The following SLC23A2 variants were observed in gnomAD, a reference collection of about 807,000 sequenced individuals.
The protein encoded by SLC23A2 is solute carrier family 23 member 2, also known as Na(+)/L-ascorbic acid transporter 2.
In SLC23A2, 36 loss-of-function variants were observed where a neutral mutation model predicts 73.3. The observed-to-expected ratio is 0.49, with a 90% CI of 0.38 to 0.65. The LOEUF (loss-of-function observed/expected upper bound fraction) is 0.65, where lower values mean the gene tolerates loss of function less well. SLC23A2 is among the 30% of genes least tolerant of loss of function. The pLI is 0.00. For missense variants in SLC23A2, 507 were observed against 841.6 expected, an observed-to-expected ratio of 0.60 and a Z score of 4.92; for synonymous variants, 343 against 327.3, an observed-to-expected ratio of 1.05 and a Z score of -0.52.
chr20:4,991,744 ACACAC>A (rs2087927992), intron 1 of SLC23A2, among the ~76,000 whole-genome samples: 1 of 151,512 alleles, frequency 6.6e-6, no homozygotes, highest in Non-Finnish European at 1.5e-5. Flanking sequence ...ACACACACAC[ACACAC>A]ACACACACAC....
chr20:4,892,032 G>A (rs961415677), intron 6 of SLC23A2, among the ~76,000 whole-genome samples: 1 of 152,118 alleles, frequency 6.6e-6, no homozygotes, highest in African/African-American at 2.4e-5. Context: ...GGGAATGCAG[G>A]CATGAGCCAT....
intron 1 of SLC23A2, among the ~76,000 whole-genome samples, chr20:4,983,027 C>T (rs1049640678): frequency 7.9e-5 from 12 of 151,864 alleles, no homozygotes; most frequent in Non-Finnish European, 1.5e-4. Context: ...ATCGCTTGAA[C>T]CCAGGAGGCA....
At position 4,899,435 on chromosome 20, in the gene SLC23A2, C is replaced by T; in HGVS notation, c.482+120G>A. 8.7e-7 allele frequency: 1 copy of T among 1,156,060 alleles called. No individual in the cohort carries two copies. 71.6% of individuals were successfully genotyped at this position (1,156,060 alleles called of 1,614,324 possible). ...GGGTGGGGACCAACGGCCACTAGGA[C>T]ATTCCCGTGCCTCCATTCTGTCCTT... On this transcript the variant is annotated intron_variant, in intron 6 of 16. Coordinates refer to ENST00000338244, the MANE Select transcript of SLC23A2 (RefSeq NM_005116.6). The surrounding 1 kb of genome is among the most constrained non-coding windows in gnomAD (Gnocchi z 4.9).
chr20:4,987,721 G>A (rs1182820187), intron 1 of SLC23A2, among the ~76,000 whole-genome samples: 7 of 152,010 alleles, frequency 4.6e-5, no homozygotes, highest in East Asian at 3.9e-4. Flanking sequence ...GGTAGCGGGC[G>A]CCTGTAGTCC....
chr20:4,853,724 C>A lies in SLC23A2; in HGVS notation c.*3248G>T, dbSNP rs1472038680. On this transcript the variant is annotated 3_prime_UTR_variant, in exon 17 of 17. Coordinates refer to ENST00000338244, the MANE Select transcript of SLC23A2 (RefSeq NM_005116.6). ...CAAAACCTCTGTGCGAATTTGTTAC[C>A]ATGAAAACGGGAAACCATCAGGACC... 1 of 152,544 alleles carries A rather than the reference C, an allele frequency of 6.6e-6. No individual in the cohort carries two copies. The allele number at this position is 152,544 out of a possible 1,614,324, so 9.4% of individuals were successfully genotyped here. A position where few individuals can be genotyped will look rare whatever the true frequency, so the allele number is the denominator to read the frequency against.
rs940623187 is a variant in SLC23A2, at chr20:4,957,855, C to T, written c.-155+12938G>A. On this transcript the variant is annotated intron_variant, in intron 2 of 16. Coordinates refer to ENST00000338244, the MANE Select transcript of SLC23A2 (RefSeq NM_005116.6). ...TGCAGAAGTTGCAGTGAGCCAAGAT[C>T]GTCCCACTGCACTCCAGCCTGGGCA... Among the ~76,000 whole-genome samples, 3 of 149,680 alleles carry T rather than the reference C, an allele frequency of 2.0e-5. No individual in the cohort carries two copies. The East Asian group carries it at 5.9e-4, about 29-fold the overall frequency.
chr20:4,944,490 G>A (rs900255117), intron 2 of SLC23A2, among the ~76,000 whole-genome samples: 2 of 152,164 alleles, frequency 1.3e-5, no homozygotes, highest in Admixed American at 6.5e-5. Flanking sequence ...ACCTGCCTTG[G>A]CCTCCCAAAG....
chr20:4,894,110 G>C (rs1294884608), intron 6 of SLC23A2, among the ~76,000 whole-genome samples: 1 of 152,188 alleles, frequency 6.6e-6, no homozygotes, highest in Non-Finnish European at 1.5e-5. Flanking sequence ...AGGGTTAGCT[G>C]GAATTGACAT....
intron 2 of SLC23A2, among the ~76,000 whole-genome samples, chr20:4,969,016 C>T (rs1027934147): frequency 2.6e-5 from 4 of 151,740 alleles, no homozygotes; most frequent in Non-Finnish European, 2.9e-5. Context: ...CCACTGTGCC[C>T]GGCCTTGTTT....
intron 1 of SLC23A2, among the ~76,000 whole-genome samples, chr20:4,990,739 G>T (rs992955248): frequency 6.6e-6 from 1 of 150,986 alleles, no homozygotes; most frequent in Admixed American, 6.6e-5. Flanking sequence ...TCCCAGCACT[G>T]TTGGAGGCCA....
chr20:4,931,015 TTTTA>T (rs1340336922), intron 3 of SLC23A2, among the ~76,000 whole-genome samples: 2 of 148,546 alleles, frequency 1.3e-5, no homozygotes, highest in South Asian at 2.1e-4. Flanking sequence ...TTAAAATAAC[TTTTA>T]TTTTTTTCTT....
At chr20:4,953,279 C>A (rs6133180) in intron 2 of SLC23A2, among the ~76,000 whole-genome samples, 1 of 151,674 alleles carries the variant, frequency 6.6e-6, no homozygotes, top group Non-Finnish European at 1.5e-5. Context: ...GCACTCCAGC[C>A]TGGCAACACA....
At chr20:4,981,884 G>A (rs1480476893) in intron 1 of SLC23A2, among the ~76,000 whole-genome samples, 1 of 151,946 alleles carries the variant, frequency 6.6e-6, no homozygotes, top group Non-Finnish European at 1.5e-5. Context: ...TGCATTTTTA[G>A]TGGAGACAGG....
chr20:4,954,210 C>CA (rs934642979), intron 2 of SLC23A2, among the ~76,000 whole-genome samples: 2 of 152,086 alleles, frequency 1.3e-5, no homozygotes, highest in African/African-American at 4.8e-5. Context: ...GATATACAAG[C>CA]ATAGGCCCCA....
At chr20:4,869,673 T>C (rs545253235) in intron 12 of SLC23A2, 3 of 466,968 alleles carry the variant, frequency 6.4e-6, no homozygotes, top group Non-Finnish European at 1.1e-5. Flanking sequence ...TAAGGAAGGG[T>C]AGGAATTCCG....
At chr20:4,972,988 AAAC>A (rs2087588502) in intron 1 of SLC23A2, among the ~76,000 whole-genome samples, 1 of 152,238 alleles carries the variant, frequency 6.6e-6, no homozygotes, top group Non-Finnish European at 1.5e-5. Context: ...TGAGAAAAGA[AAAC>A]AAGAGAGACA....
intron 2 of SLC23A2, among the ~76,000 whole-genome samples, chr20:4,966,340 C>G (rs1242856599): frequency 1.3e-5 from 2 of 152,084 alleles, no homozygotes; most frequent in Non-Finnish European, 2.9e-5. Context: ...ACTGAAAAAT[C>G]CAAGAGCTTG....
At chr20:4,887,705 A>G (rs989604652) in intron 6 of SLC23A2, among the ~76,000 whole-genome samples, 1 of 152,154 alleles carries the variant, frequency 6.6e-6, no homozygotes, top group Non-Finnish European at 1.5e-5. Flanking sequence ...CCCCTGAAAT[A>G]GATGACGATA....
rs562494319 is a variant in SLC23A2, at chr20:4,872,673, T to C, written c.1102+1263A>G. Among the ~76,000 whole-genome samples the C allele has an allele frequency of 6.6e-6, 1 of 152,354 alleles. No homozygotes were observed. The highest frequency in any genetic ancestry group is 1.5e-5 in the Non-Finnish European group (1 of 68,024). The stretch of plus-strand genomic sequence containing the variant: ...AGACTACAGGTATGTTTATGAACCA[T>C]GCACATTCTTTCTTGGAAAAAGAAT... On this transcript the variant is annotated intron_variant, in intron 11 of 16. Coordinates refer to ENST00000338244, the MANE Select transcript of SLC23A2 (RefSeq NM_005116.6). This position sits in a 1 kb window ranked among gnomAD's most constrained non-coding sequence, Gnocchi z 4.4.
Sources: gnomAD v4.1 joint callset for allele counts (sites outside exome capture counted in the v4.1 genomes callset) on GRCh38, gnomAD v4.1.1 for gene constraint, Gnocchi (gnomAD v3.1) non-coding constraint, MANE v1.5 for transcripts, NCBI Gene and HGNC (gene_info 2026-07-23, HGNC 2026-07-21) for gene names.